Variants in RUNX1 observed in about 807,000 individuals in gnomAD.
The protein encoded by RUNX1 is RUNX family transcription factor 1.
RUNX1 carries 19 observed loss-of-function variants against 42.8 expected under a neutral mutation model. That is an observed-to-expected ratio of 0.44 (90% CI 0.31 to 0.65). RUNX1 has a LOEUF of 0.65. Ranked by LOEUF, RUNX1 falls within the 30% of genes least tolerant of loss-of-function variation. RUNX1 has a pLI of 0.07. For missense variants in RUNX1, 528 were observed against 672.0 expected, an observed-to-expected ratio of 0.79 and a Z score of 2.37; for synonymous variants, 271 against 289.4, an observed-to-expected ratio of 0.94 and a Z score of 0.64.
At chr21:34,889,879 C>A in intron 3 of RUNX1, 1 of 1,071,256 alleles carries the variant, frequency 9.3e-7, no homozygotes, top group Non-Finnish European at 1.1e-6. Flanking sequence ...CCTGCACCTC[C>A]CGGGGCCTCT....
chr21:34,965,525 AAGAAAAAAAG>A (rs929942024), intron 2 of RUNX1, among the ~76,000 whole-genome samples: 1 of 152,130 alleles, frequency 6.6e-6, no homozygotes, highest in African/African-American at 2.4e-5. Context: ...AAACACGAAA[AAGAAAAAAAG>A]AGAAAAAAAG....
chr21:34,845,153 T>A (rs182869055), intron 6 of RUNX1, among the ~76,000 whole-genome samples: 36 of 152,302 alleles, frequency 2.4e-4, no homozygotes, highest in African/African-American at 8.4e-4. Context: ...TTGCCTAGAC[T>A]CCCACAGAGC....
chr21:34,967,293 C>T (rs2058726572), intron 2 of RUNX1, among the ~76,000 whole-genome samples: 1 of 118,340 alleles, frequency 8.5e-6, no homozygotes, highest in African/African-American at 3.3e-5. Context: ...GCACTCCAGC[C>T]CAGGCGACAG....
intron 2 of RUNX1, among the ~76,000 whole-genome samples, chr21:34,964,759 T>A (rs755774933): frequency 3.2e-4 from 49 of 152,176 alleles, no homozygotes; most frequent in Middle Eastern, 3.2e-3. Flanking sequence ...AGGTGAATTA[T>A]GTCCTCTGGG....
intron 2 of RUNX1, among the ~76,000 whole-genome samples, chr21:34,899,701 G>A (rs534048565): frequency 6.6e-6 from 1 of 152,310 alleles, no homozygotes; most frequent in Admixed American, 6.5e-5. Flanking sequence ...TACAAATGAG[G>A]ACACTTAAGA....
At chr21:34,994,700 G>T (rs1175928818) in intron 2 of RUNX1, among the ~76,000 whole-genome samples, 1 of 152,086 alleles carries the variant, frequency 6.6e-6, no homozygotes, top group African/African-American at 2.4e-5. Context: ...ATAAATAAAC[G>T]AAATGATCTA....
At chr21:35,035,407 A>G (rs1876443408) in intron 2 of RUNX1, among the ~76,000 whole-genome samples, 1 of 152,184 alleles carries the variant, frequency 6.6e-6, no homozygotes, top group African/African-American at 2.4e-5. Context: ...GAGAGGCCAG[A>G]TGGGAGTGGG....
chr21:34,962,118 C>T (rs927484936), intron 2 of RUNX1, among the ~76,000 whole-genome samples: 4 of 152,162 alleles, frequency 2.6e-5, no homozygotes, highest in Non-Finnish European at 5.9e-5. Context: ...GTTTCAAACT[C>T]CTGGGCTTAA....
intron 2 of RUNX1, among the ~76,000 whole-genome samples, chr21:34,955,871 G>T (rs1167791522): frequency 1.3e-5 from 2 of 152,144 alleles, no homozygotes; most frequent in African/African-American, 4.8e-5. Context: ...GGGAACATTT[G>T]GTTGCTTTTC....
chr21:34,985,295 A>G (rs1421254577), intron 2 of RUNX1, among the ~76,000 whole-genome samples: 1 of 152,222 alleles, frequency 6.6e-6, no homozygotes, highest in Non-Finnish European at 1.5e-5. Flanking sequence ...CAGGACCTCA[A>G]TGGAGTGACC....
intron 6 of RUNX1, among the ~76,000 whole-genome samples, chr21:34,841,466 C>G (rs764573953): frequency 3.5e-4 from 53 of 152,256 alleles, no homozygotes; most frequent in Non-Finnish European, 5.3e-4. Context: ...CTACTCTGGG[C>G]CTTCCCGAAC....
intron 2 of RUNX1, among the ~76,000 whole-genome samples, chr21:35,046,076 AC>A (rs2059394058): frequency 6.6e-6 from 1 of 152,134 alleles, no homozygotes; most frequent in African/African-American, 2.4e-5. Flanking sequence ...TTTCAAGGGA[AC>A]CCAAGTTTGG....
intron 5 of RUNX1, among the ~76,000 whole-genome samples, chr21:34,872,434 TC>T (rs912106375): frequency 9.9e-5 from 15 of 152,184 alleles, no homozygotes; most frequent in Middle Eastern, 6.3e-3. Flanking sequence ...GCAGGCAGGG[TC>T]AGTGGCGCCA....
intron 7 of RUNX1, among the ~76,000 whole-genome samples, chr21:34,822,446 G>C (rs1177707675): frequency 6.6e-6 from 1 of 152,218 alleles, no homozygotes; most frequent in Non-Finnish European, 1.5e-5. Flanking sequence ...ACTGCTCTGT[G>C]ATAACCCAGG....
chr21:34,798,224 C>A, intron 8 of RUNX1: 1 of 435,814 alleles, frequency 2.3e-6, no homozygotes, highest in Non-Finnish European at 4.7e-6. Flanking sequence ...CCCCAACACA[C>A]ATGCGAGTGT....
At chr21:34,918,000 G>A (rs1046006155) in intron 2 of RUNX1, among the ~76,000 whole-genome samples, 3 of 151,798 alleles carry the variant, frequency 2.0e-5, no homozygotes, top group South Asian at 4.2e-4. Flanking sequence ...TTGGTGGTGG[G>A]TGCCTGTAGT....
chr21:34,796,102 C>T (rs1045795117), intron 8 of RUNX1, among the ~76,000 whole-genome samples: 1 of 152,106 alleles, frequency 6.6e-6, no homozygotes, highest in African/African-American at 2.4e-5. Flanking sequence ...AGAGTGAGTC[C>T]GTGATTTGTC....
At chr21:35,015,626 G>T (rs1052009379) in intron 2 of RUNX1, among the ~76,000 whole-genome samples, 2 of 152,180 alleles carry the variant, frequency 1.3e-5, no homozygotes, top group African/African-American at 4.8e-5. Flanking sequence ...TTGATCATGC[G>T]AAAGTCAATG....
rs200104203 is a variant in RUNX1 at position 34,792,580 on chromosome 21, G to A, written c.998C>T (p.Pro333Leu). 2.5e-6 allele frequency: 4 copies of A among 1,602,250 alleles called. No homozygotes were observed. Among genetic ancestry groups the A allele is most frequent in the East Asian group, 4.5e-5 (2 of 44,302 alleles). Reference protein sequence around the residue: ...TAPDLTAFSDPRQFPALPSIS... With the variant: ...TAPDLTAFSDLRQFPALPSIS... ...GGAGGGCAGCGCGGGGAACTGGCGCGGGTCGCTGAACGCTGTCAGGTCGGG... is the reference window on the plus strand; with the variant it reads ...GGAGGGCAGCGCGGGGAACTGGCGCAGGTCGCTGAACGCTGTCAGGTCGGG... The change falls in exon 9 of 9, where the codon CCG becomes CTG. Residue 333 changes from proline to leucine, a missense_variant. By Grantham distance (98) the Pro-to-Leu change is moderately conservative. Transcript: ENST00000675419. The surrounding 1 kb of genome is among the most constrained non-coding windows in gnomAD (Gnocchi z 6.9).
Sources: gnomAD v4.1 joint callset for allele counts (sites outside exome capture counted in the v4.1 genomes callset) on GRCh38, gnomAD v4.1.1 for gene constraint, Gnocchi (gnomAD v3.1) non-coding constraint, MANE v1.5 for transcripts, NCBI Gene and HGNC (gene_info 2026-07-23, HGNC 2026-07-21) for gene names.